Variants in OPCML observed in about 807,000 individuals in gnomAD.
OPCML encodes the protein opioid binding protein/cell adhesion molecule like.
In OPCML, 13 loss-of-function variants were observed where a neutral mutation model predicts 37.8. The ratio of observed to expected loss-of-function variants is 0.34; its 90% confidence interval spans 0.22 to 0.55. OPCML has a LOEUF of 0.55. Among genes scored for constraint, OPCML ranks in the 20% least tolerant of loss-of-function variants. The pLI is 0.91. For synonymous variants in OPCML, 176 were observed against 168.8 expected, an observed-to-expected ratio of 1.04 and a Z score of -0.33; for missense variants, 341 against 435.6, an observed-to-expected ratio of 0.78 and a Z score of 1.93.
intron 2 of OPCML, among the ~76,000 whole-genome samples, chr11:132,856,232 A>C (rs1348422194): frequency 1.3e-5 from 2 of 152,242 alleles, no homozygotes; most frequent in African/African-American, 4.8e-5. Flanking sequence ...AAATCGATTG[A>C]AGCATAATCA....
At chr11:132,848,116 T>A (rs1941634901) in intron 2 of OPCML, among the ~76,000 whole-genome samples, 1 of 152,214 alleles carries the variant, frequency 6.6e-6, no homozygotes, top group Non-Finnish European at 1.5e-5. Flanking sequence ...AACTAAACTT[T>A]TTAAGATGGC....
At chr11:132,692,278 G>T (rs1943434439) in intron 2 of OPCML, among the ~76,000 whole-genome samples, 1 of 152,076 alleles carries the variant, frequency 6.6e-6, no homozygotes, top group African/African-American at 2.4e-5. Flanking sequence ...AGTGGGAGAA[G>T]GTTGGTGTGT....
At chr11:133,160,722 C>G (rs891287265) in intron 1 of OPCML, among the ~76,000 whole-genome samples, 2 of 152,218 alleles carry the variant, frequency 1.3e-5, no homozygotes, top group Admixed American at 6.5e-5. Context: ...AGGGACCCCT[C>G]CAGATTTGGC....
At chr11:132,901,621 C>T (rs1487499088) in intron 2 of OPCML, among the ~76,000 whole-genome samples, 2 of 152,180 alleles carry the variant, frequency 1.3e-5, no homozygotes, top group Non-Finnish European at 2.9e-5. Context: ...TCCCCACTAA[C>T]ATGTCACACT....
chr11:132,430,585 CTG>C (rs2095993376), intron 7 of OPCML, among the ~76,000 whole-genome samples: 1 of 152,112 alleles, frequency 6.6e-6, no homozygotes, highest in African/African-American at 2.4e-5. Context: ...GGAAGAAACT[CTG>C]TGCACAGATG....
chr11:132,661,117 C>A (rs1313007207), intron 2 of OPCML, among the ~76,000 whole-genome samples: 1 of 152,112 alleles, frequency 6.6e-6, no homozygotes, highest in Non-Finnish European at 1.5e-5. Context: ...ATTGCCCTAG[C>A]CACACAGCCC....
At chr11:133,478,471 G>A (rs892584051) in intron 1 of OPCML, among the ~76,000 whole-genome samples, 1 of 113,634 alleles carries the variant, frequency 8.8e-6, no homozygotes, top group Non-Finnish European at 2.0e-5. Flanking sequence ...CATAGTTTGT[G>A]GGGTCATGGG....
chr11:133,503,711 T>C (rs1947965544), intron 1 of OPCML, among the ~76,000 whole-genome samples: 3 of 152,208 alleles, frequency 2.0e-5, no homozygotes, highest in Admixed American at 2.0e-4. Context: ...CTTTCCCAGT[T>C]TGACCTAAAG....
At chr11:133,234,923 G>A (rs1169946165) in intron 1 of OPCML, among the ~76,000 whole-genome samples, 3 of 152,092 alleles carry the variant, frequency 2.0e-5, no homozygotes, top group African/African-American at 7.2e-5. Flanking sequence ...TCCATGGTGC[G>A]GATGGTCTGT....
chr11:133,077,541 T>C (rs1465310888), intron 1 of OPCML, among the ~76,000 whole-genome samples: 1 of 152,072 alleles, frequency 6.6e-6, no homozygotes, highest in Admixed American at 6.5e-5. Context: ...CGGTAAGAAT[T>C]TTTTTAATTA....
At chr11:133,527,272 T>G (rs1183173568) in intron 1 of OPCML, among the ~76,000 whole-genome samples, 1 of 152,158 alleles carries the variant, frequency 6.6e-6, no homozygotes, top group Admixed American at 6.5e-5. Context: ...AGACCAAAGG[T>G]GCCATGTCTG....
intron 7 of OPCML, among the ~76,000 whole-genome samples, chr11:132,426,885 G>A (rs979757570): frequency 2.0e-5 from 3 of 152,192 alleles, no homozygotes; most frequent in African/African-American, 7.2e-5. Flanking sequence ...CCTCTTGAGT[G>A]GCAGGTGTTG....
intron 1 of OPCML, among the ~76,000 whole-genome samples, chr11:133,355,185 A>C (rs1346692957): frequency 1.3e-5 from 2 of 152,244 alleles, no homozygotes; most frequent in East Asian, 3.8e-4. Context: ...TGACTTTTCA[A>C]ATTAAATGTA....
At chr11:132,872,209 C>A (rs866396157) in intron 2 of OPCML, among the ~76,000 whole-genome samples, 3 of 152,258 alleles carry the variant, frequency 2.0e-5, no homozygotes, top group East Asian at 1.9e-4. Context: ...AGGAAAAATT[C>A]TTTTTCTAAA....
intron 1 of OPCML, among the ~76,000 whole-genome samples, chr11:133,383,867 C>T (rs760993560): frequency 3.3e-5 from 5 of 152,136 alleles, no homozygotes; most frequent in East Asian, 3.9e-4. Flanking sequence ...GATGTCTACA[C>T]CTGCAGTGCA....
chr11:132,669,717 G>C (rs961986622), intron 2 of OPCML, among the ~76,000 whole-genome samples: 4 of 152,168 alleles, frequency 2.6e-5, no homozygotes, highest in Non-Finnish European at 4.4e-5. Context: ...GAGCTTTTGG[G>C]TATAGAAGAA....
At chr11:132,921,161 G>A (rs1944786353) in intron 2 of OPCML, among the ~76,000 whole-genome samples, 2 of 152,088 alleles carry the variant, frequency 1.3e-5, no homozygotes, top group Admixed American at 6.5e-5. Context: ...TGGAACCCTC[G>A]TGTTTGTCAC....
intron 4 of OPCML, among the ~76,000 whole-genome samples, chr11:132,459,797 G>A (rs1160161955): frequency 6.6e-6 from 1 of 151,942 alleles, no homozygotes; most frequent in Non-Finnish European, 1.5e-5. Flanking sequence ...AATGTCTTTA[G>A]GCACTGGGAA....
rs1946404808 is a variant in OPCML at position 132,974,068 on chromosome 11, A to C, written c.62-31058T>G. Among the ~76,000 whole-genome samples the C allele has an allele frequency of 3.9e-5, 6 of 152,212 alleles. No individual in the cohort carries two copies. In the South Asian group the frequency reaches 1.2e-3, roughly 32 times the overall value. On this transcript the variant is annotated intron_variant, in intron 1 of 7. Coordinates refer to ENST00000524381, the MANE Select transcript of OPCML (RefSeq NM_001012393.5). ...GCTGTCCCTCCTCGCATAATCACTC[A>C]TGTCTCTGGCCATGCTTTGGGTTTT...
Sources: gnomAD v4.1 joint callset for allele counts (sites outside exome capture counted in the v4.1 genomes callset) on GRCh38, gnomAD v4.1.1 for gene constraint, MANE v1.5 for transcripts, NCBI Gene and HGNC (gene_info 2026-07-23, HGNC 2026-07-21) for gene names.